NUBPL: variants seen among roughly 807,000 people sequenced by gnomAD.
NUBPL encodes NUBP iron-sulfur cluster assembly factor, mitochondrial, also known as iron-sulfur cluster transfer protein NUBPL.
In NUBPL, 31 loss-of-function variants were observed where a neutral mutation model predicts 45.7. That is an observed-to-expected ratio of 0.68 (90% CI 0.51 to 0.92). The LOEUF (loss-of-function observed/expected upper bound fraction) is 0.92. Ranked by LOEUF, NUBPL falls within the 40% of genes least tolerant of loss-of-function variation. NUBPL has a pLI of 0.00. For missense variants in NUBPL, 401 were observed against 398.7 expected (o/e 1.01, Z -0.05); for synonymous variants, 144 against 140.9 (o/e 1.02, Z -0.15).
At chr14:31,798,880 C>G (rs974544510) in intron 7 of NUBPL, among the ~76,000 whole-genome samples, 3 of 149,216 alleles carry the variant, frequency 2.0e-5, no homozygotes, top group African/African-American at 4.9e-5. Context: ...CTAATTCTCT[C>G]TCCTTACCTG....
At position 31,861,085 on chromosome 14, in the gene NUBPL, T is replaced by G. The variant is rs1231218133; in HGVS notation, c.*1905T>G. ...CAGCTATCGATGTCAGTATCCCAGT[T>G]GTGATATTGTGCTATAGTTTTGCAA... On this transcript the variant is annotated 3_prime_UTR_variant, in exon 11 of 11. Coordinates refer to ENST00000281081, the MANE Select transcript of NUBPL (RefSeq NM_025152.3). The G allele has an allele frequency of 3.3e-5, 5 of 152,208 alleles. No individual in the cohort carries two copies. The highest frequency in any genetic ancestry group is 5.9e-5 in the Non-Finnish European group (4 of 68,044). 9.4% of individuals were successfully genotyped at this position (152,208 alleles called of 1,614,324 possible). A position where few individuals can be genotyped will look rare whatever the true frequency, so the allele number is the denominator to read the frequency against.
intron 4 of NUBPL, among the ~76,000 whole-genome samples, chr14:31,605,971 C>T (rs980352743): frequency 6.8e-6 from 1 of 146,116 alleles, no homozygotes; most frequent in Non-Finnish European, 1.5e-5. Flanking sequence ...CTCTTCTCCC[C>T]TCTCCCTCCT....
intron 4 of NUBPL, among the ~76,000 whole-genome samples, chr14:31,599,874 T>C (rs1226581281): frequency 6.6e-6 from 1 of 151,970 alleles, no homozygotes; most frequent in East Asian, 1.9e-4. Flanking sequence ...TCTTACTGCA[T>C]TGTTTATTGT....
Position 31,846,452 on chromosome 14 carries a change from C to T in NUBPL, c.694-19C>T. Reference sequence around the variant, plus strand: ...ATTTGGTTTAATTTTATTTTGATTTCAGTGTGTTTTTATTCTAGGTCCTTG... The same window carrying T: ...ATTTGGTTTAATTTTATTTTGATTTTAGTGTGTTTTTATTCTAGGTCCTTG... On this transcript the variant is annotated intron_variant, in intron 8 of 10. Coordinates refer to ENST00000281081, the MANE Select transcript of NUBPL (RefSeq NM_025152.3). The T allele has an allele frequency of 6.3e-7, 1 of 1,597,756 alleles. No homozygotes were observed. The highest frequency in any genetic ancestry group is 8.6e-7 in the Non-Finnish European group (1 of 1,168,264).
At chr14:31,616,506 T>A (rs1595373143) in intron 4 of NUBPL, among the ~76,000 whole-genome samples, 1 of 151,546 alleles carries the variant, frequency 6.6e-6, no homozygotes, top group African/African-American at 2.4e-5. Context: ...AGTTTTTTTT[T>A]AACACTGTTT....
chr14:31,858,484 G>A (rs2040660124), intron 10 of NUBPL, among the ~76,000 whole-genome samples: 1 of 152,180 alleles, frequency 6.6e-6, no homozygotes, highest in Admixed American at 6.5e-5. Flanking sequence ...TCATTACCAT[G>A]CAGGCATTAG....
intron 6 of NUBPL, among the ~76,000 whole-genome samples, chr14:31,772,397 G>C (rs762712729): frequency 3.3e-5 from 5 of 152,094 alleles, no homozygotes; most frequent in Admixed American, 1.3e-4. Flanking sequence ...ACCTTCCTAG[G>C]TTATGAACAT....
chr14:31,666,635 T>C (rs1033969770), intron 4 of NUBPL, among the ~76,000 whole-genome samples: 12 of 152,172 alleles, frequency 7.9e-5, no homozygotes, highest in African/African-American at 2.9e-4. Context: ...TGATGCGGTT[T>C]CTTCATAGTG....
chr14:31,827,125 A>G (rs972545513), intron 8 of NUBPL, among the ~76,000 whole-genome samples: 7 of 152,174 alleles, frequency 4.6e-5, no homozygotes, highest in African/African-American at 1.4e-4. Flanking sequence ...ACCTTCTTCT[A>G]GGAGACACTT....
rs114234630 is a variant in NUBPL at position 31,752,971 on chromosome 14, G to A, written c.514-34809G>A. On this transcript the variant is annotated intron_variant, in intron 6 of 10. Coordinates refer to ENST00000281081, the MANE Select transcript of NUBPL (RefSeq NM_025152.3). Reference sequence around the variant, plus strand: ...TGCCACTTTTTAACCATCAGATCTCGTGAGAACTCACTCACTATCATGAGA... The same window carrying A: ...TGCCACTTTTTAACCATCAGATCTCATGAGAACTCACTCACTATCATGAGA... Among the ~76,000 whole-genome samples, 1,001 of 152,238 alleles carry A rather than the reference G, an allele frequency of 6.6e-3. 11 individuals are homozygous for A. Among genetic ancestry groups the A allele is most frequent in the African/African-American group, 0.022 (930 of 41,532 alleles).
intron 6 of NUBPL, among the ~76,000 whole-genome samples, chr14:31,721,745 GT>G: frequency 6.6e-6 from 1 of 151,960 alleles, no homozygotes; most frequent in African/African-American, 2.4e-5. Flanking sequence ...GTACCCAACA[GT>G]TTTTTTCTCT....
chr14:31,689,008 T>C (rs929147289), intron 6 of NUBPL, among the ~76,000 whole-genome samples: 1 of 152,286 alleles, frequency 6.6e-6, no homozygotes, highest in Middle Eastern at 3.4e-3. Context: ...TTTTTTTTTT[T>C]TGTGGCTGCA....
chr14:31,789,122 C>A (rs376229526), intron 7 of NUBPL, among the ~76,000 whole-genome samples: 1 of 151,986 alleles, frequency 6.6e-6, no homozygotes, highest in Non-Finnish European at 1.5e-5. Flanking sequence ...GTCAGGAGAT[C>A]GAGACCATCC....
chr14:31,767,769 T>C (rs1296661137), intron 6 of NUBPL, among the ~76,000 whole-genome samples: 1 of 152,174 alleles, frequency 6.6e-6, no homozygotes, highest in Non-Finnish European at 1.5e-5. Context: ...AAAGGATTTT[T>C]GGAAGGCTTA....
intron 4 of NUBPL, among the ~76,000 whole-genome samples, chr14:31,622,326 A>G (rs2035084698): frequency 6.6e-6 from 1 of 152,164 alleles, no homozygotes; most frequent in Non-Finnish European, 1.5e-5. Flanking sequence ...AAAAGTTTGG[A>G]AATATTGCAG....
intron 6 of NUBPL, among the ~76,000 whole-genome samples, chr14:31,690,013 A>C (rs555370731): frequency 1.3e-5 from 2 of 150,424 alleles, no homozygotes; most frequent in South Asian, 2.1e-4. Context: ...ATTCTGTTTC[A>C]TTGGTCTATG....
intron 4 of NUBPL, among the ~76,000 whole-genome samples, chr14:31,623,043 T>C (rs1185073024): frequency 3.9e-5 from 6 of 152,166 alleles, no homozygotes; most frequent in Non-Finnish European, 1.5e-5. Flanking sequence ...GCCACAGGGG[T>C]GGAGCTGCCC....
chr14:31,779,833 T>C (rs1355147887), intron 6 of NUBPL, among the ~76,000 whole-genome samples: 1 of 152,204 alleles, frequency 6.6e-6, no homozygotes, highest in Non-Finnish European at 1.5e-5. Flanking sequence ...ATCTCAGATT[T>C]AGAATCTTTT....
At chr14:31,763,156 A>G (rs938851648) in intron 6 of NUBPL, among the ~76,000 whole-genome samples, 2 of 152,112 alleles carry the variant, frequency 1.3e-5, no homozygotes, top group African/African-American at 2.4e-5. Context: ...AAGGGTGTAC[A>G]TTTTCTAGAA....
Sources: allele counts gnomAD v4.1 joint callset (sites outside exome capture counted in the v4.1 genomes callset), GRCh38; gene constraint gnomAD v4.1.1; transcripts MANE v1.5; gene names NCBI Gene and HGNC (gene_info 2026-07-23, HGNC 2026-07-21).